Variants in HEYL observed in about 807,000 individuals in gnomAD.
HEYL encodes hes related family bHLH transcription factor with YRPW motif like.
HEYL carries 12 observed loss-of-function variants against 18.6 expected under a neutral mutation model. The observed-to-expected ratio is 0.65, with a 90% CI of 0.41 to 1.05. The LOEUF (loss-of-function observed/expected upper bound fraction) is 1.05, where lower values mean the gene tolerates loss of function less well. HEYL is among the 50% of genes least tolerant of loss of function. The probability of loss-of-function intolerance (pLI) is 0.00; values close to 1 mark genes in which losing one functional copy is unlikely to be tolerated. For synonymous variants in HEYL, 159 were observed against 179.6 expected (o/e 0.89, Z 0.91); for missense variants, 420 against 444.7 (o/e 0.94, Z 0.50).
chr1:39,626,564 C>A lies in HEYL; in HGVS notation c.930G>T (p.Ala310=), dbSNP rs962197511. 6.5e-7 allele frequency: 1 copy of A among 1,550,100 alleles called. No individual in the cohort carries two copies. Among genetic ancestry groups the A allele is most frequent in the Non-Finnish European group, 8.7e-7 (1 of 1,147,066 alleles). Reference sequence around the variant, plus strand: ...CCCAGGAGTGGTAGAGCATGGCTCCCGCTGGCCTCCCAGCTGGCCCTGGGG... The same window carrying A: ...CCCAGGAGTGGTAGAGCATGGCTCCAGCTGGCCTCCCAGCTGGCCCTGGGG... The part of the protein sequence containing the change: ...SSSPGPAGRP[A]GAMLYHSWVS... The change falls in exon 5 of 5, where the codon GCG becomes GCT. Residue 310 remains alanine, a synonymous_variant. Coordinates refer to ENST00000372852, the MANE Select transcript of HEYL (RefSeq NM_014571.4).
At position 39,625,697 on chromosome 1, in the gene HEYL, T is replaced by C. The variant is rs1646292836; in HGVS notation, c.*810A>G. On this transcript the variant is annotated 3_prime_UTR_variant, in exon 5 of 5. Coordinates refer to ENST00000372852, the MANE Select transcript of HEYL (RefSeq NM_014571.4). Reference sequence around the variant, plus strand: ...TAAGACGTGGGGGCTGGGCTCTCCATTGCTCAACCCTGGCTCCTGTCTGGG... The same window carrying C: ...TAAGACGTGGGGGCTGGGCTCTCCACTGCTCAACCCTGGCTCCTGTCTGGG... The C allele has an allele frequency of 6.5e-6, 1 of 152,700 alleles. No homozygotes were observed. The highest frequency in any genetic ancestry group is 2.1e-4 in the South Asian group (1 of 4,840). 9.5% of individuals were successfully genotyped at this position (152,700 alleles called of 1,614,324 possible).
chr1:39,631,644 G>T (rs544712974), intron 2 of HEYL, 65 bp from the exon 3 acceptor site: 3 of 1,252,536 alleles, frequency 2.4e-6, no homozygotes, highest in East Asian at 2.3e-5. Flanking sequence ...TGCCTTGATG[G>T]TCATCAACTC....
rs187780653 is a variant in HEYL, at chr1:39,627,022, C to T, written c.472G>A (p.Ala158Thr). ...RLLSHLNSYA[A>T]EMEPSPTPTG... is the part of the protein sequence containing the mutation. ...GGCGTGGGCGAAGGCTCCATCTCGG[C>T]TGCGTAGCTGTTGAGGTGGGAGAGA... is the stretch of plus-strand genomic sequence containing the variant. The change falls in exon 5 of 5, where the codon GCC becomes ACC. Residue 158 changes from alanine to threonine, a missense_variant. Ala to Thr is a moderately conservative substitution (Grantham distance 58, BLOSUM62 0). Coordinates refer to ENST00000372852, the MANE Select transcript of HEYL (RefSeq NM_014571.4). The T allele has an allele frequency of 2.5e-6, 4 of 1,614,150 alleles. No homozygotes were observed. In the East Asian group the frequency reaches 8.9e-5, roughly 36 times the overall value.
Position 39,626,467 on chromosome 1 carries a change from A to G in HEYL, c.*40T>C, listed in dbSNP as rs1646297474. The G allele has an allele frequency of 6.9e-7, 1 of 1,448,976 alleles. No individual in the cohort carries two copies. 89.8% of individuals were successfully genotyped at this position (1,448,976 alleles called of 1,614,324 possible). A position where few individuals can be genotyped will look rare whatever the true frequency, so the allele number is the denominator to read the frequency against. ...CCTTTTTTGGGCTCCTGGTAAAAGA[A>G]CCTTCCTTATTCCTTGGGGCGGGGT... is the stretch of plus-strand genomic sequence containing the variant. On this transcript the variant is annotated 3_prime_UTR_variant, in exon 5 of 5. Coordinates refer to ENST00000372852, the MANE Select transcript of HEYL (RefSeq NM_014571.4).
intron 1 of HEYL, among the ~76,000 whole-genome samples, chr1:39,637,187 A>T (rs184427864): frequency 2.0e-5 from 3 of 152,018 alleles, no homozygotes; most frequent in Admixed American, 2.0e-4. Flanking sequence ...GGGAGAGGAG[A>T]GGCTGTACTC....
At chr1:39,633,511 A>G (rs546339710) in intron 1 of HEYL, 15 of 152,418 alleles carry the variant, frequency 9.8e-5, no homozygotes, top group African/African-American at 3.6e-4. Context: ...AATGGTGAGG[A>G]TTCGCTGGGT....
At chr1:39,638,815 A>C (rs749837973) in intron 1 of HEYL, among the ~76,000 whole-genome samples, 4 of 152,192 alleles carry the variant, frequency 2.6e-5, no homozygotes, top group Non-Finnish European at 4.4e-5. Flanking sequence ...TCTATTATTC[A>C]TGCTCATTTA....
chr1:39,639,617 T>C lies in HEYL; in HGVS notation c.9A>G (p.Arg3=). 6.4e-7 allele frequency: 1 copy of C among 1,566,860 alleles called. No homozygotes were observed. The highest frequency in any genetic ancestry group is 2.5e-5 in the East Asian group (1 of 39,350). The stretch of plus-strand genomic sequence containing the variant: ...CGTCGGAGCCGCTCGGCTCCTTGGG[T>C]CGCTTCATGGCGAACGCAGGCTGCC... MK[R]PKEPSGSDGE... is the part of the protein sequence containing the mutation. Residue 3 remains arginine, a synonymous_variant, in exon 1 of 5, where the codon CGA becomes CGG. Coordinates refer to ENST00000372852, the MANE Select transcript of HEYL (RefSeq NM_014571.4).
Position 39,639,578 on chromosome 1 carries a change from TCCGTCGGACTCC to T in HEYL, c.36_47del (p.Glu13_Gly16del), listed in dbSNP as rs776447709. The T allele has an allele frequency of 4.4e-6, 7 of 1,582,644 alleles. No individual in the cohort carries two copies. In the South Asian group the frequency reaches 4.6e-5, roughly 10 times the overall value. On this transcript the variant is annotated inframe_deletion, in exon 1 of 5. Coordinates refer to ENST00000372852, the MANE Select transcript of HEYL (RefSeq NM_014571.4). ...GGCCCTCTTGGCCCACGTCGATGGG[TCCGTCGGACTCC>T]CCGTCGGAGCCGCTCGGCTCCTTGG...
intron 2 of HEYL, among the ~76,000 whole-genome samples, chr1:39,632,316 CAGAG>C (rs1423564376): frequency 6.6e-6 from 1 of 152,200 alleles, no homozygotes; most frequent in Admixed American, 6.5e-5. Flanking sequence ...GTTCTGGACT[CAGAG>C]AGGAGACAGA....
At chr1:39,634,268 T>C (rs1171676691) in intron 1 of HEYL, among the ~76,000 whole-genome samples, 1 of 152,206 alleles carries the variant, frequency 6.6e-6, no homozygotes, top group Non-Finnish European at 1.5e-5. Flanking sequence ...CTAATTTTTG[T>C]ATTTTTAGTA....
At position 39,624,351 on chromosome 1, in the gene HEYL, G is replaced by C. The variant is rs1646284178; in HGVS notation, c.*2156C>G. 6.6e-6 allele frequency: 1 copy of C among 152,248 alleles called. No individual in the cohort carries two copies. Among genetic ancestry groups the C allele is most frequent in the African/African-American group, 2.4e-5 (1 of 41,460 alleles). 9.4% of individuals were successfully genotyped at this position (152,248 alleles called of 1,614,324 possible). On this transcript the variant is annotated 3_prime_UTR_variant, in exon 5 of 5. Coordinates refer to ENST00000372852, the MANE Select transcript of HEYL (RefSeq NM_014571.4). ...AGCAAGTTCAACCAAGATGCTGAAA[G>C]AGCTGGATCATTCCCATCTCATTTC...
At chr1:39,635,733 C>A (rs957102816) in intron 1 of HEYL, among the ~76,000 whole-genome samples, 1 of 152,212 alleles carries the variant, frequency 6.6e-6, no homozygotes, top group African/African-American at 2.4e-5. Context: ...TCTGGCTCCG[C>A]TTCAGCATTT....
chr1:39,633,128 G>T, intron 1 of HEYL: 1 of 983,742 alleles, frequency 1.0e-6, no homozygotes, highest in Non-Finnish European at 1.2e-6. Context: ...AGCAGATGCC[G>T]CTGCTTCCCA....
chr1:39,629,961 T>C lies in HEYL; in HGVS notation c.313+266A>G, dbSNP rs58585609. Among the ~76,000 whole-genome samples the C allele has an allele frequency of 3.8e-3, 583 of 152,156 alleles. 2 individuals are homozygous for C. The highest frequency in any genetic ancestry group is 0.013 in the African/African-American group (554 of 41,500). ...CTGGGTTGGACAAGAGTGGGACCCA[T>C]AGGAACAGTCTGTTACAGAAGAAAG... On this transcript the variant is annotated intron_variant, in intron 4 of 4. Transcript: ENST00000372852.
At chr1:39,630,415 G>C in intron 3 of HEYL, 107 bp from the exon 4 acceptor site, 2 of 869,966 alleles carry the variant, frequency 2.3e-6, no homozygotes, top group Admixed American at 1.7e-5. Context: ...CCACTCCACT[G>C]CTGCCTGCAA....
chr1:39,632,746 G>A, intron 1 of HEYL, 31 bp from the exon 2 acceptor site: 1 of 1,613,012 alleles, frequency 6.2e-7, no homozygotes, highest in Non-Finnish European at 8.5e-7. Flanking sequence ...TGATTTTTCA[G>A]GGCTGGGGGA....
chr1:39,632,253 G>C (rs968975912), intron 2 of HEYL, among the ~76,000 whole-genome samples: 4 of 152,180 alleles, frequency 2.6e-5, no homozygotes, highest in Admixed American at 2.6e-4. Flanking sequence ...AGCGGCAAGT[G>C]GGGATCCTTC....
At position 39,639,615 on chromosome 1, in the gene HEYL, G is replaced by A; in HGVS notation, c.11C>T (p.Pro4Leu). The A allele has an allele frequency of 6.4e-7, 1 of 1,567,918 alleles. No homozygotes were observed. The highest frequency in any genetic ancestry group is 8.6e-7 in the Non-Finnish European group (1 of 1,163,020). MKR[P>L]KEPSGSDGES... ...CCCGTCGGAGCCGCTCGGCTCCTTG[G>A]GTCGCTTCATGGCGAACGCAGGCTG... The change falls in exon 1 of 5, where the codon CCC (proline) becomes CTC (leucine). Residue 4 changes from proline to leucine, a missense_variant. By Grantham distance (98) the Pro-to-Leu change is moderately conservative. Coordinates refer to ENST00000372852, the MANE Select transcript of HEYL (RefSeq NM_014571.4).
Sources: allele counts gnomAD v4.1 joint callset (sites outside exome capture counted in the v4.1 genomes callset), GRCh38; gene constraint gnomAD v4.1.1; transcripts MANE v1.5; gene names NCBI Gene and HGNC (gene_info 2026-07-23, HGNC 2026-07-21).